Variants in STRA6 observed in about 807,000 individuals in gnomAD.
STRA6 encodes signaling receptor and transporter of retinol STRA6, also known as receptor for retinol uptake STRA6.
In STRA6, 48 loss-of-function variants were observed where a neutral mutation model predicts 83.6. That is an observed-to-expected ratio of 0.57 (90% confidence interval 0.46 to 0.73). The LOEUF (loss-of-function observed/expected upper bound fraction) is 0.73, where lower values mean the gene tolerates loss of function less well. STRA6 is among the 30% of genes least tolerant of loss of function. The pLI, the probability that STRA6 is intolerant of heterozygous loss-of-function variation, is 0.00. For missense variants in STRA6, 760 were observed against 838.8 expected (o/e 0.91, Z 1.16); for synonymous variants, 353 against 362.3 (o/e 0.97, Z 0.29).
rs1406894926 is a variant in STRA6, at chr15:74,188,640, C to T, written c.1090+475G>A. 6.6e-6 allele frequency among the ~76,000 whole-genome samples: 1 copy of T among 152,160 alleles called. No homozygotes were observed. Among genetic ancestry groups the T allele is most frequent in the Admixed American group, 6.5e-5 (1 of 15,292 alleles). ...CCAAGATGGTTCCCTGGTTCAGGAG[C>T]TCATTGTCAGAGGAGGGAAGGAGAA... is the stretch of plus-strand genomic sequence containing the variant. On this transcript the variant is annotated intron_variant, in intron 12 of 18. Transcript: ENST00000395105. The surrounding 1 kb of genome is among the most constrained non-coding windows in gnomAD (Gnocchi z 4.5).
intron 1 of STRA6, chr15:74,207,907 G>A (rs938804767): frequency 6.7e-7 from 1 of 1,483,096 alleles, no homozygotes; most frequent in South Asian, 1.3e-5. Context: ...CGGCTGCCGT[G>A]CTCACGGCAG....
chr15:74,205,702 G>C (rs2074244121), upstream of STRA6, among the ~76,000 whole-genome samples: 1 of 152,238 alleles, frequency 6.6e-6, no homozygotes, highest in African/African-American at 2.4e-5. Flanking sequence ...CTGCAGCCAG[G>C]CTGGCAGAAA....
At chr15:74,195,532 C>T in intron 6 of STRA6, 64 bp from the exon 7 acceptor site, 1 of 1,595,180 alleles carries the variant, frequency 6.3e-7, no homozygotes, top group Non-Finnish European at 8.5e-7. Context: ...TGCAGTGAGC[C>T]CACCCAGGCC....
Position 74,202,784 on chromosome 15 carries a change from G to A in STRA6, c.-87C>T. On this transcript the variant is annotated 5_prime_UTR_variant, in exon 1 of 19. Transcript: ENST00000395105. ...GGCAGCCCACGGCCAGCTCCGCACT[G>A]CCTGCCTGGGCCCTCCCAGCTGGGC... The A allele has an allele frequency of 9.6e-6, 11 of 1,139,992 alleles. No homozygotes were observed. The highest frequency in any genetic ancestry group is 1.2e-5 in the Non-Finnish European group (11 of 929,766). 70.6% of individuals were successfully genotyped at this position (1,139,992 alleles called of 1,614,324 possible). A position where few individuals can be genotyped will look rare whatever the true frequency, so the allele number is the denominator to read the frequency against.
chr15:74,195,109 C>A lies in STRA6; in HGVS notation c.597+193G>T. The A allele has an allele frequency of 2.7e-6, 4 of 1,479,036 alleles. No homozygotes were observed. In the South Asian group the frequency reaches 4.0e-5, roughly 15 times the overall value. 91.6% of individuals were successfully genotyped at this position (1,479,036 alleles called of 1,614,324 possible). A position where few individuals can be genotyped will look rare whatever the true frequency, so the allele number is the denominator to read the frequency against. On this transcript the variant is annotated intron_variant, in intron 7 of 18. Transcript: ENST00000395105. ...TAAAGTTCCTGAGGGCTGGGCCCAGCCACCTTGTTCCCTGCCTCTCCTGCA... is the reference window on the plus strand; with the variant it reads ...TAAAGTTCCTGAGGGCTGGGCCCAGACACCTTGTTCCCTGCCTCTCCTGCA...
intron 1 of STRA6, 176 bp from the exon 2 acceptor site, chr15:74,202,458 T>C: frequency 6.5e-7 from 1 of 1,536,158 alleles, no homozygotes; most frequent in South Asian, 1.2e-5. Context: ...ACTGAGGGCC[T>C]GAGCAAGCTG....
rs759284768 is a variant in STRA6, at chr15:74,191,481, CT to C, written c.730del (p.Ser244AlafsTer8). 6.8e-6 allele frequency: 11 copies of C among 1,614,004 alleles called. No homozygotes were observed. The highest frequency in any genetic ancestry group is 9.3e-6 in the Non-Finnish European group (11 of 1,179,994). On this transcript the variant is annotated frameshift_variant, in exon 9 of 19. Coordinates refer to ENST00000395105, the MANE Select transcript of STRA6 (RefSeq NM_022369.4). LOFTEE classifies it high-confidence loss of function. ...RTGAGSKGLQ[S>X]SYSEEYLRNL... ...CCTCAGATATTCCTCAGAGTAGCTG[CT>C]CTGCAGCCCCTGTGGAGACAGACAA...
At chr15:74,197,718 CT>C (rs2073885191) in intron 3 of STRA6, 33 bp downstream of exon 3, 1 of 1,610,930 alleles carries the variant, frequency 6.2e-7, no homozygotes, top group Non-Finnish European at 8.5e-7. Context: ...CTGGCAGCAG[CT>C]TGCAAGCCAG....
chr15:74,211,998 C>T (rs2074372996), upstream of STRA6: 1 of 152,634 alleles, frequency 6.6e-6, no homozygotes, highest in Non-Finnish European at 1.5e-5. Flanking sequence ...TTGTGTCTCT[C>T]CTCCTAAAGG....
At chr15:74,184,396 G>C (rs1291228332) in intron 13 of STRA6, among the ~76,000 whole-genome samples, 1 of 152,222 alleles carries the variant, frequency 6.6e-6, no homozygotes, top group East Asian at 1.9e-4. Flanking sequence ...GACCTGGCAA[G>C]TGCGCAGGAG....
chr15:74,198,714 C>T lies in STRA6; in HGVS notation c.114-896G>A, dbSNP rs762672476. On this transcript the variant is annotated intron_variant, in intron 2 of 18. Transcript: ENST00000395105. The stretch of plus-strand genomic sequence containing the variant: ...GCACAAAGATGCTCAGCCAAGGGAA[C>T]GAGCAGGCCACCCTGCTCACCAAAC... Among the ~76,000 whole-genome samples, 4 of 152,330 alleles carry T rather than the reference C, an allele frequency of 2.6e-5. No individual in the cohort carries two copies. In the South Asian group the frequency reaches 6.2e-4, roughly 24 times the overall value.
chr15:74,189,306 T>G (rs774232870), intron 11 of STRA6, 29 bp from the exon 12 acceptor site: 1 of 1,569,626 alleles, frequency 6.4e-7, no homozygotes, highest in Admixed American at 1.9e-5. Context: ...GAGGGCCCCA[T>G]CCCAGGAAAG....
chr15:74,195,932 C>G, intron 5 of STRA6, 76 bp downstream of exon 5: 1 of 1,596,668 alleles, frequency 6.3e-7, no homozygotes, highest in Non-Finnish European at 8.5e-7. Context: ...TCTCCTTGAG[C>G]CAAGCTTAAA....
chr15:74,208,903 A>G, exon 1 of STRA6: 1 of 989,998 alleles, frequency 1.0e-6, no homozygotes, highest in South Asian at 4.6e-5. Flanking sequence ...GGTGCTCCCA[A>G]CACGGGGCCT....
intron 8 of STRA6, chr15:74,191,803 C>A: frequency 2.1e-6 from 1 of 470,570 alleles, no homozygotes. Context: ...CGTTTCTTCC[C>A]ACCCCTAGCC....
At chr15:74,204,803 C>T (rs147149044), upstream of STRA6, among the ~76,000 whole-genome samples, 114 of 152,238 alleles carry the variant, frequency 7.5e-4, no homozygotes, top group East Asian at 9.1e-3. Context: ...GACGTGGTGG[C>T]GCACACCTGT....
chr15:74,191,176 G>A lies in STRA6; in HGVS notation c.856C>T (p.Pro286Ser), dbSNP rs1256937417. ...RVCLRHCIYTPQPGFHLPLKL... is the reference protein window; with the variant it reads ...RVCLRHCIYTSQPGFHLPLKL... ...GCTCCCAACCCCATACCTGGCTGTGGAGTGTAGATGCAGTGTCTCAAGCAG... is the reference window on the plus strand; with the variant it reads ...GCTCCCAACCCCATACCTGGCTGTGAAGTGTAGATGCAGTGTCTCAAGCAG... Residue 286 changes from proline (P) to serine (S), a missense_variant, in exon 10 of 19, where the codon CCA (proline) becomes TCA (serine). Transcript: ENST00000395105. 6.8e-6 allele frequency: 11 copies of A among 1,613,936 alleles called. No homozygotes were observed. Among genetic ancestry groups the A allele is most frequent in the Non-Finnish European group, 9.3e-6 (11 of 1,179,994 alleles).
rs939805188 is a variant in STRA6 at position 74,180,795 on chromosome 15, C to T, written c.1827G>A (p.Gly609=). ...MAAPQDSLRP[G]EEDEGMQLLQ... The stretch of plus-strand genomic sequence containing the variant: ...GGGAGGGCGCACCTTCGTCTTCCTC[C>T]CCTGGTCTGAGGCTGTCCTGGGGGG... Residue 609 remains glycine, a synonymous_variant, in exon 18 of 19, where the codon GGG becomes GGA. Transcript: ENST00000395105. 5.6e-6 allele frequency: 9 copies of T among 1,609,390 alleles called. No homozygotes were observed. The Admixed American group carries it at 8.4e-5, about 15-fold the overall frequency.
intron 6 of STRA6, 82 bp from the exon 7 acceptor site, chr15:74,195,550 G>C (rs376461951): frequency 9.5e-6 from 15 of 1,581,492 alleles, no homozygotes; most frequent in East Asian, 4.5e-5. Context: ...GCCTCTCTTC[G>C]GTCTCCAGCT....
Sources: gnomAD v4.1 joint callset for allele counts (sites outside exome capture counted in the v4.1 genomes callset) on GRCh38, gnomAD v4.1.1 for gene constraint, Gnocchi (gnomAD v3.1) non-coding constraint, MANE v1.5 for transcripts, NCBI Gene and HGNC (gene_info 2026-07-23, HGNC 2026-07-21) for gene names.